The following DNPEP variants were observed in gnomAD, a reference collection of about 807,000 sequenced individuals.
DNPEP encodes the protein aspartyl aminopeptidase.
DNPEP carries 46 observed loss-of-function variants against 59.1 expected under a neutral mutation model. The observed-to-expected ratio is 0.78, with a 90% CI of 0.61 to 0.99. The LOEUF (loss-of-function observed/expected upper bound fraction) is 0.99. DNPEP is among the 50% of genes least tolerant of loss of function. The pLI is 0.00. For synonymous variants in DNPEP, 229 were observed against 242.2 expected, an observed-to-expected ratio of 0.95 and a Z score of 0.50; for missense variants, 617 against 649.9, an observed-to-expected ratio of 0.95 and a Z score of 0.55.
At chr2:219,374,825 C>A (rs1191931815) in intron 14 of DNPEP, 30 bp downstream of exon 14, 2 of 1,601,100 alleles carry the variant, frequency 1.2e-6, no homozygotes, top group South Asian at 2.2e-5. Flanking sequence ...AGCAGCCCAG[C>A]TGCCAGAGAG....
intron 1 of DNPEP, among the ~76,000 whole-genome samples, chr2:219,395,824 A>G (rs559044264): frequency 6.6e-6 from 1 of 152,340 alleles, no homozygotes; most frequent in South Asian, 2.1e-4. Context: ...GATCCACAGG[A>G]AGAAGTCTCT....
At chr2:219,387,929 C>G (rs1559342654), upstream of DNPEP, 15 of 1,371,268 alleles carry the variant, frequency 1.1e-5, no homozygotes, top group Non-Finnish European at 1.1e-5. Context: ...CGCGCCGCCC[C>G]GCCCCATGTT....
Position 219,387,177 on chromosome 2 carries a change from A to T in DNPEP, c.37-14T>A. 6.4e-7 allele frequency: 1 copy of T among 1,551,880 alleles called. No individual in the cohort carries two copies. The highest frequency in any genetic ancestry group is 8.7e-7 in the Non-Finnish European group (1 of 1,147,404). The stretch of plus-strand genomic sequence containing the variant: ...GTTCATGGCCACCTAGGGGAGGGGG[A>T]TGCTCAGACTTTTACAAGGTCTGGG... On this transcript the variant is annotated splice_polypyrimidine_tract_variant and intron_variant, in intron 1 of 14. Coordinates refer to ENST00000273075, the MANE Select transcript of DNPEP (RefSeq NM_012100.4).
intron 8 of DNPEP, chr2:219,384,674 T>C (rs1417801990): frequency 2.5e-5 from 10 of 396,378 alleles, no homozygotes; most frequent in Non-Finnish European, 4.2e-5. Context: ...GTTCAAAGGA[T>C]TCTCGTGCCT....
intron 11 of DNPEP, 176 bp downstream of exon 11, chr2:219,381,803 A>C: frequency 1.1e-6 from 1 of 872,210 alleles, no homozygotes; most frequent in Non-Finnish European, 1.8e-6. Context: ...TGGGTTAGGC[A>C]TTGCATGACT....
In DNPEP at chr2:219,374,296, T is replaced by A; in HGVS notation, c.1454A>T (p.Asp485Val). 1 of 1,613,914 alleles carries A rather than the reference T, an allele frequency of 6.2e-7. No individual in the cohort carries two copies. Among genetic ancestry groups the A allele is most frequent in the Non-Finnish European group, 8.5e-7 (1 of 1,179,862 alleles). ...GAGAAGTCTTTCCAAGAGGGCTCAATCCACTAAGAGATTATGGCTTAGAGA... is the reference window on the plus strand; with the variant it reads ...GAGAAGTCTTTCCAAGAGGGCTCAAACCACTAAGAGATTATGGCTTAGAGA... ...FPSLSHNLLVD is the reference protein window; with the variant it reads ...FPSLSHNLLVV Residue 485 changes from aspartate to valine, a missense_variant, in exon 15 of 15, where the codon GAT becomes GTT. Physicochemically the swap from Asp to Val is radical, Grantham distance 152. Transcript: ENST00000273075.
chr2:219,388,908 C>T, upstream of DNPEP: 10 of 983,076 alleles, frequency 1.0e-5, no homozygotes, highest in Middle Eastern at 5.2e-4. Flanking sequence ...ACAGAGAAAG[C>T]TGAGATACGG....
At chr2:219,388,485 C>T (rs1320571417), upstream of DNPEP, 1 of 159,008 alleles carries the variant, frequency 6.3e-6, no homozygotes, top group Non-Finnish European at 1.3e-5. Context: ...CCCCATCCCT[C>T]TCCAGGCCGC....
chr2:219,386,774 A>G lies in DNPEP; in HGVS notation c.224T>C (p.Phe75Ser), dbSNP rs759949827. 1.2e-5 allele frequency: 19 copies of G among 1,613,044 alleles called. No individual in the cohort carries two copies. The highest frequency in any genetic ancestry group is 1.4e-5 in the Non-Finnish European group (17 of 1,179,554). ...GATGGTGGAGGAGTTCCTGGTCATG[A>G]AGTACTGAGGAGAAGGGGAGGAAAG... The part of the protein sequence containing the change: ...KWNIKPESKY[F>S]MTRNSSTIIA... The change falls in exon 4 of 15, where the codon TTC becomes TCC. Residue 75 changes from phenylalanine to serine, a missense_variant. Transcript: ENST00000273075.
upstream of DNPEP, chr2:219,387,943 C>CCTCCCCGCCCACCT: frequency 1.7e-5 from 18 of 1,061,880 alleles, no homozygotes; most frequent in South Asian, 9.4e-5. Flanking sequence ...CCATGTTTGG[C>CCTCCCCGCCCACCT]CTCCCCGCCC....
At chr2:219,382,966 A>T (rs1456223394) in intron 10 of DNPEP, among the ~76,000 whole-genome samples, 165 bp downstream of exon 10, 7 of 152,146 alleles carry the variant, frequency 4.6e-5, no homozygotes, top group Non-Finnish European at 1.0e-4. Context: ...GAATAAGCAG[A>T]TCTATGTTGA....
In DNPEP at chr2:219,385,616, A is replaced by G; in HGVS notation, c.666+15T>C. Reference sequence around the variant, plus strand: ...GGACTCTGCCGCCCTCCCCATGATCAGGAGACTCTCTTACCACAGCATTGA... The same window carrying G: ...GGACTCTGCCGCCCTCCCCATGATCGGGAGACTCTCTTACCACAGCATTGA... On this transcript the variant is annotated intron_variant, in intron 7 of 14. Transcript: ENST00000273075. The G allele has an allele frequency of 6.2e-7, 1 of 1,612,668 alleles. No homozygotes were observed. Among genetic ancestry groups the G allele is most frequent in the Non-Finnish European group, 8.5e-7 (1 of 1,179,046 alleles).
chr2:219,395,783 C>T (rs1267119203), intron 1 of DNPEP, among the ~76,000 whole-genome samples: 1 of 152,220 alleles, frequency 6.6e-6, no homozygotes, highest in African/African-American at 2.4e-5. Context: ...CAATCCTCCT[C>T]TCCTAGCGCC....
Position 219,386,392 on chromosome 2 carries a change from C to T in DNPEP, c.353G>A (p.Arg118His), listed in dbSNP as rs754129152. 9.3e-6 allele frequency: 15 copies of T among 1,614,070 alleles called. No homozygotes were observed. Among genetic ancestry groups the T allele is most frequent in the East Asian group, 2.2e-5 (1 of 44,896 alleles). The part of the protein sequence containing the change: ...PCLRVKRRSR[R>H]SQVGFQQVGV... ...GACTTGCTGGAAGCCCACCTGGCTG[C>T]GGCGAGACCGACGTTTCACCTGAGT... The change falls in exon 5 of 15, where the codon CGC becomes CAC. Residue 118 changes from arginine (R) to histidine (H), a missense_variant. Coordinates refer to ENST00000273075, the MANE Select transcript of DNPEP (RefSeq NM_012100.4).
chr2:219,374,337 G>T lies in DNPEP; in HGVS notation c.1413C>A (p.Phe471Leu). Residue 471 changes from phenylalanine (F) to leucine (L), a missense_variant, in exon 15 of 15, where the codon TTC (phenylalanine) becomes TTA (leucine). By Grantham distance (22) the Phe-to-Leu change is conservative. Transcript: ENST00000273075. ...GGCTTAGAGAAGGGAACAGCTCAAA[G>T]AAGCCCTATAATGGGAGGCAACATG... Reference protein sequence around the residue: ...VLQTLTLFKGFFELFPSLSHN... With the variant: ...VLQTLTLFKGLFELFPSLSHN... The T allele has an allele frequency of 1.2e-6, 2 of 1,614,064 alleles. No individual in the cohort carries two copies. The highest frequency in any genetic ancestry group is 1.1e-5 in the South Asian group (1 of 91,078).
upstream of DNPEP, among the ~76,000 whole-genome samples, chr2:219,389,559 G>C (rs901430998): frequency 1.1e-4 from 16 of 152,320 alleles, no homozygotes; most frequent in African/African-American, 3.8e-4. Context: ...GCCTGGCGCA[G>C]TGGCTCACGC....
upstream of DNPEP, chr2:219,387,950 G>A: frequency 1.8e-6 from 1 of 564,376 alleles, no homozygotes; most frequent in African/African-American, 6.7e-5. Context: ...TGGCCTCCCC[G>A]CCCACCTCTC....
chr2:219,386,018 A>G lies in DNPEP; in HGVS notation c.540T>C (p.His180=), dbSNP rs1226826459. ...AGTTCTCGTTGATATTTCGCTGCAG[A>G]TGGATGGCCAGGTGTGGGATGCGAA... The part of the protein sequence containing the change: ...PILRIPHLAI[H]LQRNINENFG... The change falls in exon 6 of 15, where the codon CAT becomes CAC. Residue 180 remains histidine, a synonymous_variant. Coordinates refer to ENST00000273075, the MANE Select transcript of DNPEP (RefSeq NM_012100.4). 2.5e-6 allele frequency: 4 copies of G among 1,614,152 alleles called. No homozygotes were observed. The East Asian group carries it at 6.7e-5, about 27-fold the overall frequency.
At chr2:219,376,530 C>A (rs1191680497) in intron 13 of DNPEP, among the ~76,000 whole-genome samples, 1 of 151,478 alleles carries the variant, frequency 6.6e-6, no homozygotes, top group Non-Finnish European at 1.5e-5. Context: ...AAGGAAAAAT[C>A]TTTCTTTGTC....
Sources: allele counts gnomAD v4.1 joint callset (sites outside exome capture counted in the v4.1 genomes callset), GRCh38; gene constraint gnomAD v4.1.1; transcripts MANE v1.5; gene names NCBI Gene and HGNC (gene_info 2026-07-23, HGNC 2026-07-21).